Variants in BMPR1A observed in about 807,000 individuals in gnomAD.
BMPR1A encodes the protein bone morphogenetic protein receptor type-1A.
BMPR1A carries 7 observed loss-of-function variants against 66.0 expected under a neutral mutation model. That is an observed-to-expected ratio of 0.11 (90% CI 0.06 to 0.20). The LOEUF is 0.20. BMPR1A is among the 10% of genes least tolerant of loss of function. The pLI is 1.00. For synonymous variants in BMPR1A, 200 were observed against 229.7 expected, an observed-to-expected ratio of 0.87 and a Z score of 1.17; for missense variants, 408 against 669.1, an observed-to-expected ratio of 0.61 and a Z score of 4.31.
chr10:86,858,421 A>G (rs1373923064), intron 2 of BMPR1A, among the ~76,000 whole-genome samples: 1 of 152,198 alleles, frequency 6.6e-6, no homozygotes, highest in Non-Finnish European at 1.5e-5. Context: ...GCAAAATGAT[A>G]TAGTGAAAGA....
At chr10:86,807,713 G>A (rs1841910553) in intron 1 of BMPR1A, among the ~76,000 whole-genome samples, 1 of 152,116 alleles carries the variant, frequency 6.6e-6, no homozygotes, top group African/African-American at 2.4e-5. Flanking sequence ...CGTTTAATCT[G>A]TTTTGACAGT....
upstream of BMPR1A, chr10:86,755,865 G>A (rs563379866): frequency 6.6e-6 from 1 of 152,186 alleles, no homozygotes; most frequent in South Asian, 2.1e-4. Context: ...GATGAGGGAA[G>A]CCGCTCTCCC....
intron 1 of BMPR1A, among the ~76,000 whole-genome samples, chr10:86,791,013 A>G (rs1351630323): frequency 1.3e-5 from 2 of 152,230 alleles, no homozygotes; most frequent in African/African-American, 4.8e-5. Context: ...TTCCACTTCT[A>G]ACAAAATTGA....
At chr10:86,792,558 G>A (rs976293437) in intron 1 of BMPR1A, among the ~76,000 whole-genome samples, 1 of 152,140 alleles carries the variant, frequency 6.6e-6, no homozygotes, top group African/African-American at 2.4e-5. Flanking sequence ...CACTTTGGGA[G>A]GCCAAGGCAG....
intron 1 of BMPR1A, among the ~76,000 whole-genome samples, chr10:86,763,848 G>A (rs1841118506): frequency 7.0e-6 from 1 of 143,854 alleles, no homozygotes; most frequent in Non-Finnish European, 1.5e-5. Flanking sequence ...CTGGAGTGCA[G>A]TGGCGCATGT....
chr10:86,833,338 T>C (rs1403095195), intron 1 of BMPR1A, among the ~76,000 whole-genome samples: 2 of 152,158 alleles, frequency 1.3e-5, no homozygotes, highest in African/African-American at 2.4e-5. Context: ...CATAGTTATA[T>C]TTTAGAGACA....
chr10:86,849,306 C>T (rs1842533607), intron 2 of BMPR1A, among the ~76,000 whole-genome samples: 1 of 152,180 alleles, frequency 6.6e-6, no homozygotes. Flanking sequence ...GCTTTTCTGA[C>T]TTTGTGCTTT....
intron 1 of BMPR1A, among the ~76,000 whole-genome samples, chr10:86,782,757 C>T (rs1841456936): frequency 6.6e-6 from 1 of 151,810 alleles, no homozygotes; most frequent in Non-Finnish European, 1.5e-5. Flanking sequence ...ATATTAAACC[C>T]CTATCCAATA....
At chr10:86,893,585 C>G (rs1370425275) in intron 5 of BMPR1A, among the ~76,000 whole-genome samples, 2 of 152,072 alleles carry the variant, frequency 1.3e-5, no homozygotes, top group African/African-American at 2.4e-5. Flanking sequence ...GTCTGGAGAT[C>G]AAGACCATCC....
At position 86,812,327 on chromosome 10, in the gene BMPR1A, G is replaced by A. The variant is rs185910655; in HGVS notation, c.-267-26538G>A. On this transcript the variant is annotated intron_variant, in intron 1 of 12. Coordinates refer to ENST00000372037, the MANE Select transcript of BMPR1A (RefSeq NM_004329.3). ...CATTATGCCTTTTGAGGGTCATCCA[G>A]GTTGTTGCATGTGTGAAGAGTGTTG... Among the ~76,000 whole-genome samples, 4 of 152,272 alleles carry A rather than the reference G, an allele frequency of 2.6e-5. No homozygotes were observed. In the East Asian group the frequency reaches 7.7e-4, roughly 29 times the overall value.
intron 7 of BMPR1A, among the ~76,000 whole-genome samples, chr10:86,902,389 C>T (rs1018675299): frequency 1.3e-5 from 2 of 150,654 alleles, no homozygotes; most frequent in Non-Finnish European, 2.9e-5. Flanking sequence ...TTTCATGCTG[C>T]GTTACCTCAG....
rs149117327 is a variant in BMPR1A at position 86,803,690 on chromosome 10, A to G, written c.-267-35175A>G. ...TTGTGACCTATCTCTTGACAGTGGA[A>G]TCACACTGTTTATATCAGTATAGCT... On this transcript the variant is annotated intron_variant, in intron 1 of 12. Transcript: ENST00000372037. Among the ~76,000 whole-genome samples, 3 of 152,314 alleles carry G rather than the reference A, an allele frequency of 2.0e-5. No homozygotes were observed. The East Asian group carries it at 5.8e-4, about 29-fold the overall frequency.
intron 1 of BMPR1A, among the ~76,000 whole-genome samples, chr10:86,806,357 C>T (rs1242958334): frequency 6.6e-6 from 1 of 151,634 alleles, no homozygotes. Context: ...AAATTCACTG[C>T]TCCCCTGCAG....
intron 1 of BMPR1A, among the ~76,000 whole-genome samples, chr10:86,810,610 G>T (rs1841955833): frequency 6.6e-6 from 1 of 152,054 alleles, no homozygotes. Flanking sequence ...CACTCAGGTG[G>T]GTCTGAAGTA....
At chr10:86,899,602 C>T (rs1843276188) in intron 5 of BMPR1A, among the ~76,000 whole-genome samples, 192 bp from the exon 6 acceptor site, 1 of 152,166 alleles carries the variant, frequency 6.6e-6, no homozygotes, top group African/African-American at 2.4e-5. Flanking sequence ...TAGATATGTT[C>T]TTAAGAAAAG....
chr10:86,920,330 AGATAAG>A lies in BMPR1A; in HGVS notation c.1166+865_1166+870del, dbSNP rs530195375. Among the ~76,000 whole-genome samples, 1,275 of 152,292 alleles carry A rather than the reference AGATAAG, an allele frequency of 8.4e-3. 7 individuals are homozygous for A. Among genetic ancestry groups the A allele is most frequent in the Admixed American group, 0.013 (206 of 15,292 alleles). On this transcript the variant is annotated intron_variant, in intron 10 of 12. Coordinates refer to ENST00000372037, the MANE Select transcript of BMPR1A (RefSeq NM_004329.3). ...CAGTTTACACACCCGTAAGCAGTAG[AGATAAG>A]GATGTCATTTTTCTGTCACCACTTG...
chr10:86,899,193 A>G (rs1843270813), intron 5 of BMPR1A, among the ~76,000 whole-genome samples: 1 of 152,252 alleles, frequency 6.6e-6, no homozygotes, highest in Admixed American at 6.5e-5. Context: ...ATCACATGCA[A>G]GTGCTGCTGC....
At chr10:86,844,333 A>C (rs1049567922) in intron 2 of BMPR1A, among the ~76,000 whole-genome samples, 1 of 150,920 alleles carries the variant, frequency 6.6e-6, no homozygotes, top group African/African-American at 2.5e-5. Context: ...AGTAAAACTT[A>C]AGAATGTTTA....
chr10:86,904,297 T>C (rs988383360), intron 7 of BMPR1A, among the ~76,000 whole-genome samples: 2 of 152,154 alleles, frequency 1.3e-5, no homozygotes, highest in African/African-American at 2.4e-5. Context: ...TTAAGGCACA[T>C]GATAATTGTA....
Sources: allele counts gnomAD v4.1 joint callset (sites outside exome capture counted in the v4.1 genomes callset), GRCh38; gene constraint gnomAD v4.1.1; transcripts MANE v1.5; gene names NCBI Gene and HGNC (gene_info 2026-07-23, HGNC 2026-07-21).